Variants in SMARCA2 observed in about 807,000 individuals in gnomAD.
SMARCA2 encodes the protein SWI/SNF related BAF chromatin remodeling complex subunit ATPase 2, also known as SWI/SNF-related matrix-associated actin-dependent regulator of chromatin subfamily A member 2.
Under a neutral mutation model 199.8 loss-of-function variants are expected in SMARCA2, and 61 were observed. The ratio of observed to expected loss-of-function variants is 0.31; its 90% CI spans 0.25 to 0.38. The LOEUF (loss-of-function observed/expected upper bound fraction) is 0.38. SMARCA2 is among the 10% of genes least tolerant of loss of function. The pLI is 1.00. For missense variants in SMARCA2, 1,344 were observed against 2,012.2 expected (o/e 0.67, Z 6.35); for synonymous variants, 935 against 732.0 (o/e 1.28, Z -4.48).
intron 27 of SMARCA2, among the ~76,000 whole-genome samples, chr9:2,144,131 C>T (rs1480002908): frequency 6.6e-6 from 1 of 152,022 alleles, no homozygotes; most frequent in African/African-American, 2.4e-5. Flanking sequence ...AATGAATGGA[C>T]AGAAGTTAAC....
rs556227037 is a variant in SMARCA2 at position 2,024,142 on chromosome 9, T to TG, written c.-36-4843dup. Among the ~76,000 whole-genome samples the TG allele has an allele frequency of 1.3e-4, 20 of 152,324 alleles. No homozygotes were observed. The South Asian group carries it at 3.9e-3, about 30-fold the overall frequency. On this transcript the variant is annotated intron_variant, in intron 1 of 33. Coordinates refer to ENST00000349721, the MANE Select transcript of SMARCA2 (RefSeq NM_003070.5). The stretch of plus-strand genomic sequence containing the variant: ...GCAATTTAAGAGATATTGTCAAGGT[T>TG]GGTGTGCTGCCCCAAACTCTGCGAC...
At chr9:2,071,770 A>G (rs180961575) in intron 10 of SMARCA2, among the ~76,000 whole-genome samples, 6 of 152,370 alleles carry the variant, frequency 3.9e-5, no homozygotes, top group Non-Finnish European at 7.3e-5. Context: ...AAGCTGTATT[A>G]TAATGGTTCA....
chr9:2,152,568 A>T (rs1208921167), intron 27 of SMARCA2, among the ~76,000 whole-genome samples: 2 of 151,540 alleles, frequency 1.3e-5, no homozygotes, highest in African/African-American at 4.9e-5. Context: ...TTTAAAAAAT[A>T]AGGTCGGGTG....
intron 28 of SMARCA2, among the ~76,000 whole-genome samples, chr9:2,166,346 G>A (rs1238619810): frequency 5.9e-5 from 9 of 151,928 alleles, no homozygotes; most frequent in Non-Finnish European, 1.0e-4. Flanking sequence ...ATAACTCAAG[G>A]GTGTGTTTAC....
At chr9:2,109,622 A>G (rs1554627936) in intron 23 of SMARCA2, among the ~76,000 whole-genome samples, 1 of 129,648 alleles carries the variant, frequency 7.7e-6, no homozygotes, top group Non-Finnish European at 1.5e-5. Context: ...ACAGACTAAG[A>G]GATTTCTTGT....
chr9:2,044,551 C>T (rs947434179), intron 4 of SMARCA2: 1 of 152,256 alleles, frequency 6.6e-6, no homozygotes, highest in Middle Eastern at 3.4e-3. Context: ...CGACAAAAGC[C>T]GAGGGTTGAA....
At chr9:2,177,066 G>C (rs1052053818) in intron 29 of SMARCA2, among the ~76,000 whole-genome samples, 3 of 152,154 alleles carry the variant, frequency 2.0e-5, no homozygotes, top group Non-Finnish European at 4.4e-5. Context: ...TTCATGACTG[G>C]CTCAGGTTTC....
At chr9:2,191,573 T>C (rs900786236) in intron 33 of SMARCA2, 165 bp downstream of exon 33, 25 of 716,490 alleles carry the variant, frequency 3.5e-5, no homozygotes, top group Admixed American at 2.3e-4. Context: ...AGCTGTATGA[T>C]TTAGAACAAA....
At position 2,057,355 on chromosome 9, in the gene SMARCA2, C is replaced by G. The variant is rs182375608; in HGVS notation, c.1347+510C>G. On this transcript the variant is annotated intron_variant, in intron 7 of 33. Coordinates refer to ENST00000349721, the MANE Select transcript of SMARCA2 (RefSeq NM_003070.5). ...ATTCGTAAGGGCTCTACCCTCATGA[C>G]CTTATCACCTCCCGAAGACCCCACC... Among the ~76,000 whole-genome samples, 234 of 152,300 alleles carry G rather than the reference C, an allele frequency of 1.5e-3. 2 individuals are homozygous for G. The highest frequency in any genetic ancestry group is 5.2e-3 in the African/African-American group (218 of 41,566).
intron 3 of SMARCA2, among the ~76,000 whole-genome samples, chr9:2,033,633 A>G (rs1819171504): frequency 6.6e-6 from 1 of 152,252 alleles, no homozygotes; most frequent in Non-Finnish European, 1.5e-5. Context: ...ATAGCAAATT[A>G]CCACAAACAG....
chr9:2,164,251 C>G (rs959324571), intron 28 of SMARCA2, among the ~76,000 whole-genome samples: 4 of 152,158 alleles, frequency 2.6e-5, no homozygotes, highest in Non-Finnish European at 4.4e-5. Flanking sequence ...GACCACTTTC[C>G]TAGAAACCAT....
intron 21 of SMARCA2, among the ~76,000 whole-genome samples, chr9:2,098,160 C>T (rs773952014): frequency 4.3e-4 from 65 of 152,206 alleles, no homozygotes; most frequent in Non-Finnish European, 7.8e-4. Flanking sequence ...CCCCATTTGT[C>T]ATTGCTGCTG....
chr9:2,120,587 C>G (rs988317913), intron 26 of SMARCA2, among the ~76,000 whole-genome samples: 1 of 152,106 alleles, frequency 6.6e-6, no homozygotes, highest in African/African-American at 2.4e-5. Flanking sequence ...ACCTTTTTAG[C>G]CTAGACAGAA....
intron 14 of SMARCA2, among the ~76,000 whole-genome samples, chr9:2,078,356 C>T (rs187753124): frequency 5.9e-5 from 9 of 152,076 alleles, no homozygotes; most frequent in African/African-American, 7.2e-5. Context: ...CCTGTAATCC[C>T]GGCTACTCTG....
chr9:2,110,192 C>A lies in SMARCA2; in HGVS notation c.3293-62C>A. ...TCTTGAAGGAAGCAAGCCTTTTTGTCTCATTCTGTGCCATTTTCAGACAAG... is the reference window on the plus strand; with the variant it reads ...TCTTGAAGGAAGCAAGCCTTTTTGTATCATTCTGTGCCATTTTCAGACAAG... On this transcript the variant is annotated intron_variant, in intron 23 of 33. Transcript: ENST00000349721. This position sits in a 1 kb window ranked among gnomAD's most constrained non-coding sequence, Gnocchi z 4.8. 1 of 1,375,644 alleles carries A rather than the reference C, an allele frequency of 7.3e-7. No homozygotes were observed. Among genetic ancestry groups the A allele is most frequent in the South Asian group, 1.4e-5 (1 of 70,294 alleles). The allele number at this position is 1,375,644 out of a possible 1,614,324, so 85.2% of individuals were successfully genotyped here. A position where few individuals can be genotyped will look rare whatever the true frequency, so the allele number is the denominator to read the frequency against.
intron 32 of SMARCA2, among the ~76,000 whole-genome samples, chr9:2,186,522 A>G (rs893886850): frequency 6.6e-6 from 1 of 152,154 alleles, no homozygotes; most frequent in Non-Finnish European, 1.5e-5. Flanking sequence ...TTTTTGAGAC[A>G]GGGTCTCACT....
chr9:2,168,285 A>G (rs1032729270), intron 28 of SMARCA2, among the ~76,000 whole-genome samples: 1 of 152,190 alleles, frequency 6.6e-6, no homozygotes, highest in African/African-American at 2.4e-5. Context: ...TGCTGGGATT[A>G]CAGGCGTGAG....
intron 27 of SMARCA2, among the ~76,000 whole-genome samples, chr9:2,135,831 C>T (rs1251547117): frequency 6.6e-6 from 1 of 151,168 alleles, no homozygotes; most frequent in Non-Finnish European, 1.5e-5. Flanking sequence ...GTGTGAGCCA[C>T]AGCACCCAGC....
intron 10 of SMARCA2, among the ~76,000 whole-genome samples, chr9:2,071,678 T>C (rs1262111109): frequency 6.6e-6 from 1 of 152,250 alleles, no homozygotes; most frequent in Non-Finnish European, 1.5e-5. Context: ...TCTTCTGTTC[T>C]CATTCAGCGC....
Sources: allele counts gnomAD v4.1 joint callset (sites outside exome capture counted in the v4.1 genomes callset), GRCh38; gene constraint gnomAD v4.1.1; non-coding constraint Gnocchi (gnomAD v3.1); transcripts MANE v1.5; gene names NCBI Gene and HGNC (gene_info 2026-07-23, HGNC 2026-07-21).